The following POMGNT1 variants were observed in gnomAD, a reference collection of about 807,000 sequenced individuals.
The protein encoded by POMGNT1 is protein O-linked mannose N-acetylglucosaminyltransferase 1 (beta 1,2-).
In POMGNT1, 67 loss-of-function variants were observed where a neutral mutation model predicts 95.6. That is an observed-to-expected ratio of 0.70 (90% CI 0.58 to 0.86). POMGNT1 has a LOEUF of 0.86. Ranked by LOEUF, POMGNT1 falls within the 40% of genes least tolerant of loss-of-function variation. POMGNT1 has a pLI of 0.00. For missense variants in POMGNT1, 719 were observed against 855.2 expected, an observed-to-expected ratio of 0.84 and a Z score of 1.99; for synonymous variants, 298 against 317.9, an observed-to-expected ratio of 0.94 and a Z score of 0.66.
rs1015582050 is a variant in POMGNT1 at position 46,188,992 on chromosome 1, G to A, written c.*278C>T. ...ATTCTGAGCCAGGCCTGGAAAGTGA[G>A]GGTATTCAAAGGGCAGGATGAGCTG... On this transcript the variant is annotated 3_prime_UTR_variant, in exon 22 of 22. Transcript: ENST00000371984. 6.2e-7 allele frequency: 1 copy of A among 1,604,064 alleles called. No individual in the cohort carries two copies. The highest frequency in any genetic ancestry group is 8.5e-7 in the Non-Finnish European group (1 of 1,174,482).
At chr1:46,217,353 C>T (rs1215836925) in intron 1 of POMGNT1, among the ~76,000 whole-genome samples, 1 of 152,042 alleles carries the variant, frequency 6.6e-6, no homozygotes, top group African/African-American at 2.4e-5. Context: ...CTGATAACTA[C>T]ATAGCAAACT....
intron 1 of POMGNT1, among the ~76,000 whole-genome samples, chr1:46,210,460 G>A (rs1316917733): frequency 6.6e-6 from 1 of 152,102 alleles, no homozygotes; most frequent in Non-Finnish European, 1.5e-5. Flanking sequence ...CCCACAGGTT[G>A]AGGGCTCAGT....
intron 17 of POMGNT1, chr1:46,191,666 G>A (rs910540593): frequency 1.2e-4 from 31 of 260,104 alleles, no homozygotes; most frequent in African/African-American, 5.3e-4. Context: ...ATGGAGTCTC[G>A]CTCTGTCACC....
chr1:46,202,129 A>T (rs1027204131), upstream of POMGNT1, among the ~76,000 whole-genome samples: 3 of 150,212 alleles, frequency 2.0e-5, no homozygotes, highest in Non-Finnish European at 3.0e-5. Flanking sequence ...ACTAAAAGTT[A>T]TTTTTTGCCA....
intron 1 of POMGNT1, among the ~76,000 whole-genome samples, chr1:46,216,116 G>A (rs557460489): frequency 2.3e-5 from 3 of 131,428 alleles, no homozygotes; most frequent in Non-Finnish European, 3.1e-5. Flanking sequence ...GCGCGATCTC[G>A]GCTCACTGCA....
chr1:46,199,669 G>A (rs1658477399), upstream of POMGNT1, among the ~76,000 whole-genome samples: 2 of 152,078 alleles, frequency 1.3e-5, no homozygotes, highest in Admixed American at 1.3e-4. Flanking sequence ...CTTTTTTTGT[G>A]GAGAATGGGT....
chr1:46,192,261 C>A (rs72897094), intron 16 of POMGNT1, 38 bp from the exon 17 acceptor site: 1 of 1,614,128 alleles, frequency 6.2e-7, no homozygotes, highest in Non-Finnish European at 8.5e-7. Flanking sequence ...TAAGATGTTT[C>A]GAGTTGGTAG....
intron 6 of POMGNT1, 34 bp from the exon 7 acceptor site, chr1:46,194,995 G>T (rs761915739): frequency 6.2e-7 from 1 of 1,604,034 alleles, no homozygotes; most frequent in Non-Finnish European, 8.5e-7. Context: ...AGCCTGACTG[G>T]CATGGTTCCA....
At chr1:46,205,842 G>T (rs571794759) in intron 1 of POMGNT1, among the ~76,000 whole-genome samples, 1 of 152,342 alleles carries the variant, frequency 6.6e-6, no homozygotes, top group East Asian at 1.9e-4. Context: ...GAAGGACAAG[G>T]GGTGGGGCAA....
chr1:46,191,711 A>T (rs1657779634), intron 17 of POMGNT1: 1 of 334,286 alleles, frequency 3.0e-6, no homozygotes, highest in South Asian at 2.4e-5. Context: ...CTTGGCTCAC[A>T]GCAAGCTTCG....
intron 1 of POMGNT1, among the ~76,000 whole-genome samples, chr1:46,211,777 T>A (rs1047618659): frequency 2.8e-4 from 43 of 152,186 alleles, no homozygotes; most frequent in Middle Eastern, 3.4e-3. Context: ...ATATATATAT[T>A]TTTTTGAGAC....
At chr1:46,218,609 C>G (rs552739161) in intron 1 of POMGNT1, among the ~76,000 whole-genome samples, 28 of 152,308 alleles carry the variant, frequency 1.8e-4, no homozygotes, top group African/African-American at 6.5e-4. Context: ...TCGGCACTCT[C>G]TAAGAGCAGT....
rs1657538953 is a variant in POMGNT1, at chr1:46,189,121, C to T, written c.*149G>A. On this transcript the variant is annotated 3_prime_UTR_variant, in exon 22 of 22. Transcript: ENST00000371984. ...AACGGGGTGTTGGAGCAGGGGAACC[C>T]TCCCCTTGGAGTTAGTAATTAAGTC... The T allele has an allele frequency of 2.7e-6, 4 of 1,492,464 alleles. No homozygotes were observed. Among genetic ancestry groups the T allele is most frequent in the Non-Finnish European group, 3.6e-6 (4 of 1,123,286 alleles). 92.5% of individuals were successfully genotyped at this position (1,492,464 alleles called of 1,614,324 possible).
upstream of POMGNT1, among the ~76,000 whole-genome samples, chr1:46,199,103 A>G (rs577931799): frequency 1.3e-5 from 2 of 152,192 alleles, no homozygotes; most frequent in South Asian, 4.2e-4. Flanking sequence ...CACCACACCC[A>G]GCTAATTTTT....
At chr1:46,190,117 G>A in intron 19 of POMGNT1, 128 bp from the exon 20 acceptor site, 1 of 623,736 alleles carries the variant, frequency 1.6e-6, no homozygotes, top group South Asian at 2.7e-5. Flanking sequence ...TTTTTTTTTT[G>A]AGATGGAGTC....
At chr1:46,198,503 G>T, upstream of POMGNT1, 1 of 154,176 alleles carries the variant, frequency 6.5e-6, no homozygotes, top group Non-Finnish European at 1.4e-5. Context: ...GTGAGAGGGC[G>T]ACGGGCGGTG....
At chr1:46,193,053 C>A in intron 13 of POMGNT1, 95 bp from the exon 14 acceptor site, 1 of 1,603,366 alleles carries the variant, frequency 6.2e-7, no homozygotes, top group Non-Finnish European at 8.5e-7. Flanking sequence ...AGCATTACCC[C>A]CATTTTCCAG....
At chr1:46,190,876 T>G in intron 17 of POMGNT1, 92 bp from the exon 18 acceptor site, 1 of 1,232,492 alleles carries the variant, frequency 8.1e-7, no homozygotes, top group East Asian at 2.3e-5. Flanking sequence ...GACACACAAA[T>G]GAAGTCCTAG....
chr1:46,205,873 T>G (rs1248848421), intron 1 of POMGNT1, among the ~76,000 whole-genome samples: 2 of 152,260 alleles, frequency 1.3e-5, no homozygotes, highest in African/African-American at 4.8e-5. Context: ...TTCGGGCTAC[T>G]GAAGGCAGGA....
Sources: allele counts gnomAD v4.1 joint callset (sites outside exome capture counted in the v4.1 genomes callset), GRCh38; gene constraint gnomAD v4.1.1; transcripts MANE v1.5; gene names NCBI Gene and HGNC (gene_info 2026-07-23, HGNC 2026-07-21).